The following CC2D2A variants were observed in gnomAD, a reference collection of about 807,000 sequenced individuals.
CC2D2A encodes the protein coiled-coil and C2 domain-containing protein 2A.
Under a neutral mutation model 212.9 loss-of-function variants are expected in CC2D2A, and 155 were observed. The ratio of observed to expected loss-of-function variants is 0.73; its 90% CI spans 0.64 to 0.83. CC2D2A has a LOEUF of 0.83. Ranked by LOEUF, CC2D2A falls within the 40% of genes least tolerant of loss-of-function variation. The pLI is 0.00. For missense variants in CC2D2A, 1,856 were observed against 1,956.2 expected (o/e 0.95, Z 0.97); for synonymous variants, 667 against 686.5 (o/e 0.97, Z 0.44).
intron 14 of CC2D2A, among the ~76,000 whole-genome samples, chr4:15,535,095 C>T (rs932799492): frequency 6.6e-6 from 1 of 152,136 alleles, no homozygotes; most frequent in Non-Finnish European, 1.5e-5. Context: ...TTGGTCCCTA[C>T]AAGAGCACCT....
At chr4:15,475,237 G>C (rs561651301) in intron 1 of CC2D2A, among the ~76,000 whole-genome samples, 1 of 152,346 alleles carries the variant, frequency 6.6e-6, no homozygotes, top group African/African-American at 2.4e-5. Context: ...TCGTGCCACT[G>C]TACTCCAGCC....
At chr4:15,558,426 T>A (rs901477380) in intron 21 of CC2D2A, among the ~76,000 whole-genome samples, 3 of 152,128 alleles carry the variant, frequency 2.0e-5, no homozygotes, top group African/African-American at 7.2e-5. Flanking sequence ...TAAAAACGTG[T>A]GAATGGCATG....
intron 33 of CC2D2A, among the ~76,000 whole-genome samples, chr4:15,590,866 A>G (rs1721072984): frequency 6.6e-6 from 1 of 152,062 alleles, no homozygotes; most frequent in African/African-American, 2.4e-5. Context: ...CCTCCCAAGT[A>G]GCTGGGATCA....
chr4:15,589,627 T>G lies in CC2D2A; in HGVS notation c.4262T>G (p.Phe1421Cys), dbSNP rs1316470193. 5.6e-6 allele frequency: 9 copies of G among 1,611,708 alleles called. No homozygotes were observed. The highest frequency in any genetic ancestry group is 7.6e-6 in the Non-Finnish European group (9 of 1,178,488). Residue 1421 changes from phenylalanine (F) to cysteine (C), a missense_variant, in exon 33 of 37, where the codon TTT (phenylalanine) becomes TGT (cysteine). Transcript: ENST00000424120. ...NPCSGHFYGQ[F>C]DTFCPLKNVG... ...TGCAGTGGACATTTTTATGGACAAT[T>G]TGATACATTCTGTCCCTTGAAAAAT...
At chr4:15,575,891 TG>T (rs1406534130) in intron 29 of CC2D2A, among the ~76,000 whole-genome samples, 1 of 152,198 alleles carries the variant, frequency 6.6e-6, no homozygotes, top group South Asian at 2.1e-4. Context: ...GACCCCACCT[TG>T]GGGGTGTGTT....
intron 11 of CC2D2A, among the ~76,000 whole-genome samples, chr4:15,522,520 T>A (rs962777782): frequency 3.3e-5 from 5 of 150,206 alleles, no homozygotes; most frequent in African/African-American, 9.7e-5. Context: ...TTTTTTTTTT[T>A]AATTACAGAG....
At chr4:15,590,213 G>A (rs549508515) in intron 33 of CC2D2A, among the ~76,000 whole-genome samples, 1 of 152,238 alleles carries the variant, frequency 6.6e-6, no homozygotes, top group East Asian at 1.9e-4. Flanking sequence ...TAAAGTAGTG[G>A]TTAAAAATAT....
At position 15,574,207 on chromosome 4, in the gene CC2D2A, C is replaced by G; in HGVS notation, c.3652C>G (p.Arg1218Gly). Residue 1218 changes from arginine (R) to glycine (G), a missense_variant, in exon 29 of 37, where the codon CGA (arginine) becomes GGA (glycine). Physicochemically the swap from Arg to Gly is moderately radical, Grantham distance 125. Transcript: ENST00000424120. ...PPVLLGYSKE[R>G]NMILERGFDS... Reference sequence around the variant, plus strand: ...AGTTCTTCTGGGCTACAGTAAGGAGCGAAATATGATTCTTGAGCGGGGTTT... The same window carrying G: ...AGTTCTTCTGGGCTACAGTAAGGAGGGAAATATGATTCTTGAGCGGGGTTT... 1.3e-6 allele frequency: 2 copies of G among 1,551,242 alleles called. No individual in the cohort carries two copies. The highest frequency in any genetic ancestry group is 1.7e-6 in the Non-Finnish European group (2 of 1,146,708).
At chr4:15,512,280 T>C (rs896150067) in intron 8 of CC2D2A, among the ~76,000 whole-genome samples, 1 of 152,220 alleles carries the variant, frequency 6.6e-6, no homozygotes, top group African/African-American at 2.4e-5. Context: ...ATAGCAGCAT[T>C]ATTCACAAAA....
At chr4:15,471,127 TG>T (rs1374106958) in intron 1 of CC2D2A, among the ~76,000 whole-genome samples, 1 of 152,168 alleles carries the variant, frequency 6.6e-6, no homozygotes, top group African/African-American at 2.4e-5. Flanking sequence ...TAAGGGAAAC[TG>T]CAGCTGGAAT....
At chr4:15,556,408 T>C (rs534222124) in intron 20 of CC2D2A, among the ~76,000 whole-genome samples, 3 of 152,350 alleles carry the variant, frequency 2.0e-5, no homozygotes, top group Non-Finnish European at 4.4e-5. Flanking sequence ...GTGTGCCTAA[T>C]AGAAATATTT....
At chr4:15,586,926 T>TG (rs1720878285) in intron 31 of CC2D2A, among the ~76,000 whole-genome samples, 1 of 152,198 alleles carries the variant, frequency 6.6e-6, no homozygotes, top group Non-Finnish European at 1.5e-5. Context: ...TGTTCCCCAA[T>TG]ACATTTTGGC....
chr4:15,559,669 T>TTTTCCTTCTTTTTTG (rs71179637), intron 22 of CC2D2A, among the ~76,000 whole-genome samples: 1 of 151,734 alleles, frequency 6.6e-6, no homozygotes, highest in African/African-American at 2.4e-5. Context: ...CGTTTGTCCT[T>TTTTCCTTCTTTTTTG]TTTCCTTCTT....
At chr4:15,562,238 C>T (rs1410728330) in intron 23 of CC2D2A, among the ~76,000 whole-genome samples, 3 of 152,214 alleles carry the variant, frequency 2.0e-5, no homozygotes, top group Admixed American at 6.5e-5. Context: ...CAAGAGGTCA[C>T]TTAGCCAGCT....
At position 15,502,091 on chromosome 4, in the gene CC2D2A, A is replaced by G. The variant is rs117187422; in HGVS notation, c.248-338A>G. ...ACTTGAGAGCCTTTTCCCAGTGGCA[A>G]TTGAATTGGTAAGTATTCATGTGCC... On this transcript the variant is annotated intron_variant, in intron 4 of 36. Coordinates refer to ENST00000424120, the MANE Select transcript of CC2D2A (RefSeq NM_001378615.1). 1.7e-3 allele frequency among the ~76,000 whole-genome samples: 266 copies of G among 152,322 alleles called. 4 individuals are homozygous for G. The East Asian group carries it at 0.044, about 25-fold the overall frequency.
chr4:15,519,214 C>T (rs1384814374), intron 11 of CC2D2A: 2 of 298,734 alleles, frequency 6.7e-6, no homozygotes, highest in Non-Finnish European at 1.3e-5. Flanking sequence ...GTTCAAAGTT[C>T]CACAAATCTC....
At chr4:15,521,260 A>G (rs1717185153) in intron 11 of CC2D2A, among the ~76,000 whole-genome samples, 1 of 152,228 alleles carries the variant, frequency 6.6e-6, no homozygotes, top group Non-Finnish European at 1.5e-5. Context: ...GTTATTCCAT[A>G]ACAGGTCACC....
intron 11 of CC2D2A, among the ~76,000 whole-genome samples, chr4:15,525,453 G>A (rs558382032): frequency 1.7e-4 from 26 of 152,290 alleles, no homozygotes; most frequent in African/African-American, 5.8e-4. Flanking sequence ...ACACAGAGTG[G>A]TCACATGGAG....
In CC2D2A at chr4:15,599,686, A is replaced by C. The variant is rs2148496033; in HGVS notation, c.4654A>C (p.Lys1552Gln). The change falls in exon 36 of 37, where the codon AAA becomes CAA. Residue 1552 changes from lysine to glutamine, a missense_variant. Lys to Gln is a moderately conservative substitution (Grantham distance 53). Transcript: ENST00000424120. ...VEDDHRAELL[K>Q]QLGDYRFSGF... ...AGATGACCACAGAGCAGAACTGCTAAAACAGCTGGGAGACTACAGGGTAAG... is the reference window on the plus strand; with the variant it reads ...AGATGACCACAGAGCAGAACTGCTACAACAGCTGGGAGACTACAGGGTAAG... 1.2e-6 allele frequency: 2 copies of C among 1,611,518 alleles called. No individual in the cohort carries two copies. Among genetic ancestry groups the C allele is most frequent in the Admixed American group, 3.3e-5 (2 of 59,880 alleles).
Sources: gnomAD v4.1 joint callset for allele counts (sites outside exome capture counted in the v4.1 genomes callset) on GRCh38, gnomAD v4.1.1 for gene constraint, MANE v1.5 for transcripts, NCBI Gene and HGNC (gene_info 2026-07-23, HGNC 2026-07-21) for gene names.